The following GPN1 variants were observed in gnomAD, a reference collection of about 807,000 sequenced individuals.
GPN1 encodes the protein GPN-loop GTPase 1.
A neutral mutation model predicts 55.9 loss-of-function variants in GPN1; 44 were observed. The observed-to-expected ratio is 0.79, with a 90% CI of 0.62 to 1.01. The LOEUF (loss-of-function observed/expected upper bound fraction) is 1.01, where lower values mean the gene tolerates loss of function less well. Ranked by LOEUF, GPN1 falls within the 50% of genes least tolerant of loss-of-function variation. The pLI, the probability that GPN1 is intolerant of heterozygous loss-of-function variation, is 0.00. For missense variants in GPN1, 466 were observed against 462.8 expected (o/e 1.01, Z -0.06); for synonymous variants, 179 against 162.5 (o/e 1.10, Z -0.77).
chr2:27,632,810 A>G lies in GPN1; in HGVS notation c.350+140A>G, dbSNP rs1673602401. ...TTAGGAGTGAAAAAAAAATTGGCAAATCATTAAGATGCTTTAGAATATAGA... is the reference window on the plus strand; with the variant it reads ...TTAGGAGTGAAAAAAAAATTGGCAAGTCATTAAGATGCTTTAGAATATAGA... On this transcript the variant is annotated intron_variant, in intron 5 of 13. Transcript: ENST00000610189. The G allele has an allele frequency of 3.6e-5, 22 of 610,102 alleles. No individual in the cohort carries two copies. In the South Asian group the frequency reaches 5.0e-4, roughly 14 times the overall value. 37.8% of individuals were successfully genotyped at this position (610,102 alleles called of 1,614,324 possible). A position where few individuals can be genotyped will look rare whatever the true frequency, so the allele number is the denominator to read the frequency against.
intron 9 of GPN1, 63 bp from the exon 10 acceptor site, chr2:27,639,980 A>C: frequency 9.5e-7 from 1 of 1,054,414 alleles, no homozygotes; most frequent in Non-Finnish European, 1.5e-6. Flanking sequence ...TAAACAAGTT[A>C]ATGTACTTCA....
intron 10 of GPN1, among the ~76,000 whole-genome samples, chr2:27,640,363 C>T (rs1673889632): frequency 6.6e-6 from 1 of 152,176 alleles, no homozygotes; most frequent in Non-Finnish European, 1.5e-5. Flanking sequence ...GATCATCAGA[C>T]TTTTCTGTAA....
chr2:27,651,189 T>G lies in GPN1; in HGVS notation c.*989T>G, dbSNP rs1206498823. On this transcript the variant is annotated 3_prime_UTR_variant, in exon 14 of 14. Coordinates refer to ENST00000610189, the MANE Select transcript of GPN1 (RefSeq NM_007266.4). ...AAAACAGTACATTTCTTTCAAAGAATTTTATCTCTATGAGTCAGTACTCCA... is the reference window on the plus strand; with the variant it reads ...AAAACAGTACATTTCTTTCAAAGAAGTTTATCTCTATGAGTCAGTACTCCA... 7 of 152,308 alleles carry G rather than the reference T, an allele frequency of 4.6e-5. No individual in the cohort carries two copies. 9.4% of individuals were successfully genotyped at this position (152,308 alleles called of 1,614,324 possible).
At chr2:27,628,937 C>T (rs572299066), upstream of GPN1, 24 of 1,518,738 alleles carry the variant, frequency 1.6e-5, no homozygotes, top group South Asian at 3.0e-4. Flanking sequence ...CTGGCAACCG[C>T]CGCGCCCCTC....
At chr2:27,632,507 A>G (rs966496343) in intron 4 of GPN1, 126 bp from the exon 5 acceptor site, 6 of 721,364 alleles carry the variant, frequency 8.3e-6, no homozygotes, top group Admixed American at 2.0e-5. Context: ...TAAGATTGCA[A>G]ATGTTCAGTA....
At chr2:27,628,320 C>A (rs1673367731), upstream of GPN1, 2 of 1,375,802 alleles carry the variant, frequency 1.5e-6, no homozygotes, top group East Asian at 5.0e-5. Context: ...TAGGCTCTTT[C>A]ATCATCTTTC....
rs1170802149 is a variant in GPN1, at chr2:27,641,225, T to C, written c.801-15T>C. The C allele has an allele frequency of 3.2e-6, 5 of 1,584,672 alleles. No homozygotes were observed. The highest frequency in any genetic ancestry group is 1.7e-4 in the Middle Eastern group (1 of 6,046). On this transcript the variant is annotated splice_polypyrimidine_tract_variant and intron_variant, in intron 10 of 13. Coordinates refer to ENST00000610189, the MANE Select transcript of GPN1 (RefSeq NM_007266.4). ...GGATTAAGCAAAGGAATTTAGAAAG[T>C]GTTTCTCTTTACAGGGAGTATCGTC...
upstream of GPN1, chr2:27,628,446 G>A: frequency 1.3e-6 from 2 of 1,551,570 alleles, no homozygotes; most frequent in Non-Finnish European, 1.7e-6. Context: ...GTAGTTCACT[G>A]AGGGTGACTG....
Position 27,650,815 on chromosome 2 carries a change from TG to T in GPN1, c.*617del, listed in dbSNP as rs1169076488. 6.5e-6 allele frequency: 1 copy of T among 152,826 alleles called. No homozygotes were observed. Among genetic ancestry groups the T allele is most frequent in the East Asian group, 1.9e-4 (1 of 5,342 alleles). The allele number at this position is 152,826 out of a possible 1,614,324, so 9.5% of individuals were successfully genotyped here. A position where few individuals can be genotyped will look rare whatever the true frequency, so the allele number is the denominator to read the frequency against. ...TTAATGAATCAGAATCCTGTTTCAT[TG>T]GTGACTTGGATAAAGACTTTTTAAT... is the stretch of plus-strand genomic sequence containing the variant. On this transcript the variant is annotated 3_prime_UTR_variant, in exon 14 of 14. Coordinates refer to ENST00000610189, the MANE Select transcript of GPN1 (RefSeq NM_007266.4).
In GPN1 at chr2:27,649,216, G is replaced by C. The variant is rs148360965; in HGVS notation, c.1040-899G>C. Reference sequence around the variant, plus strand: ...ACTGAGAGCTCACCATTGCACTCAGGCCTCGGTAACAAGAGTGAAACTTGA... The same window carrying C: ...ACTGAGAGCTCACCATTGCACTCAGCCCTCGGTAACAAGAGTGAAACTTGA... On this transcript the variant is annotated intron_variant, in intron 13 of 13. Transcript: ENST00000610189. 7.6e-4 allele frequency among the ~76,000 whole-genome samples: 115 copies of C among 151,562 alleles called. 2 individuals are homozygous for C. The East Asian group carries it at 0.01, about 14-fold the overall frequency.
At chr2:27,647,996 A>AT in intron 13 of GPN1, 53 bp downstream of exon 13, 1 of 986,748 alleles carries the variant, frequency 1.0e-6, no homozygotes, top group Non-Finnish European at 1.6e-6. Context: ...TTATCCTCAC[A>AT]TTGTTTGCCC....
intron 9 of GPN1, 65 bp downstream of exon 9, chr2:27,639,096 C>T: frequency 2.3e-6 from 3 of 1,302,006 alleles, no homozygotes; most frequent in Non-Finnish European, 3.2e-6. Context: ...ATAGGATTGG[C>T]TTTGAACCTG....
Position 27,629,122 on chromosome 2 carries a change from C to T in GPN1, c.64C>T (p.Leu22=), listed in dbSNP as rs1318862491. 2 of 1,614,218 alleles carry T rather than the reference C, an allele frequency of 1.2e-6. No individual in the cohort carries two copies. Among genetic ancestry groups the T allele is most frequent in the Non-Finnish European group, 1.7e-6 (2 of 1,180,046 alleles). The change falls in exon 1 of 14, where the codon CTG becomes TTG. Residue 22 remains leucine (L), a synonymous_variant. Coordinates refer to ENST00000610189, the MANE Select transcript of GPN1 (RefSeq NM_007266.4). ...TGGGGGTCCGCGGCACCCAGTGTGT[C>T]TGTTGGTGTTGGGAATGGCGGGATC... ...ASGGPRHPVC[L]LVLGMAGSGK... is the part of the protein sequence containing the mutation.
chr2:27,647,183 G>A (rs1170447853), intron 12 of GPN1, among the ~76,000 whole-genome samples: 1 of 152,136 alleles, frequency 6.6e-6, no homozygotes, highest in East Asian at 1.9e-4. Context: ...TTCCCTAGCT[G>A]AGCTCTCGCA....
chr2:27,642,648 C>T, intron 12 of GPN1, 129 bp downstream of exon 12: 1 of 602,186 alleles, frequency 1.7e-6, no homozygotes, highest in East Asian at 3.2e-5. Flanking sequence ...ACCACAACCT[C>T]CACCTCCCAG....
chr2:27,638,359 T>G, intron 8 of GPN1, 104 bp downstream of exon 8: 1 of 682,522 alleles, frequency 1.5e-6, no homozygotes, highest in Non-Finnish European at 2.6e-6. Context: ...GGAGACCAGA[T>G]TCAGGCTTTA....
rs1225094409 is a variant in GPN1 at position 27,643,330 on chromosome 2, C to T, written c.931+811C>T. ...CTACCATGTTTACTTTATTCTTTAT[C>T]TATATATGACTTTATATGTTATATA... is the stretch of plus-strand genomic sequence containing the variant. On this transcript the variant is annotated intron_variant, in intron 12 of 13. Coordinates refer to ENST00000610189, the MANE Select transcript of GPN1 (RefSeq NM_007266.4). This position sits in a 1 kb window ranked among gnomAD's most constrained non-coding sequence, Gnocchi z 4.0. Among the ~76,000 whole-genome samples, 1 of 151,512 alleles carries T rather than the reference C, an allele frequency of 6.6e-6. No individual in the cohort carries two copies. The highest frequency in any genetic ancestry group is 2.1e-4 in the South Asian group (1 of 4,820).
At chr2:27,628,815 A>G, upstream of GPN1, 1 of 1,486,688 alleles carries the variant, frequency 6.7e-7, no homozygotes, top group Non-Finnish European at 8.9e-7. Context: ...TGCAGAGATC[A>G]GCGCCCTTTT....
chr2:27,628,873 C>T, upstream of GPN1: 2 of 1,464,490 alleles, frequency 1.4e-6, no homozygotes, highest in Non-Finnish European at 1.8e-6. Context: ...CCCCCACTTC[C>T]TCGCCACTGT....
Sources: allele counts gnomAD v4.1 joint callset (sites outside exome capture counted in the v4.1 genomes callset), GRCh38; gene constraint gnomAD v4.1.1; non-coding constraint Gnocchi (gnomAD v3.1); transcripts MANE v1.5; gene names NCBI Gene and HGNC (gene_info 2026-07-23, HGNC 2026-07-21).